Variants in TENM2 observed in about 807,000 individuals in gnomAD.
The protein encoded by TENM2 is teneurin-2.
TENM2 carries 52 observed loss-of-function variants against 245.2 expected under a neutral mutation model. The ratio of observed to expected loss-of-function variants is 0.21; its 90% CI spans 0.17 to 0.27. The LOEUF (loss-of-function observed/expected upper bound fraction) is 0.27, where lower values mean the gene tolerates loss of function less well. Among genes scored for constraint, TENM2 ranks in the 10% least tolerant of loss-of-function variants. The pLI is 1.00. For synonymous variants in TENM2, 1,363 were observed against 1,438.9 expected (o/e 0.95, Z 1.19); for missense variants, 3,046 against 3,666.8 (o/e 0.83, Z 4.37).
chr5:167,466,281 G>T (rs1035247091), intron 2 of TENM2, among the ~76,000 whole-genome samples: 1 of 152,146 alleles, frequency 6.6e-6, no homozygotes, highest in Non-Finnish European at 1.5e-5. Flanking sequence ...CCAAGCATGG[G>T]CTCACGAACT....
chr5:167,867,721 A>G (rs564512924), intron 2 of TENM2, among the ~76,000 whole-genome samples: 1 of 152,316 alleles, frequency 6.6e-6, no homozygotes, highest in South Asian at 2.1e-4. Context: ...GGTCATAATG[A>G]AAATTCCTCA....
chr5:168,003,227 C>T (rs1014563155), intron 5 of TENM2, among the ~76,000 whole-genome samples: 1 of 151,822 alleles, frequency 6.6e-6, no homozygotes, highest in Non-Finnish European at 1.5e-5. Flanking sequence ...ACATTTGTGT[C>T]TATTTTTATC....
chr5:168,253,694 G>A (rs1767376203), intron 27 of TENM2, among the ~76,000 whole-genome samples: 1 of 152,090 alleles, frequency 6.6e-6, no homozygotes, highest in Non-Finnish European at 1.5e-5. Flanking sequence ...CAAAGTGCTG[G>A]GATTACAGGC....
the TENM2 span, among the ~76,000 whole-genome samples, chr5:167,022,614 G>A: frequency 6.6e-6 from 1 of 152,060 alleles, no homozygotes; most frequent in Non-Finnish European, 1.5e-5. Flanking sequence ...CTAAAATTTG[G>A]AAGATTTTAC....
the TENM2 span, among the ~76,000 whole-genome samples, chr5:167,244,719 C>A: frequency 6.6e-6 from 1 of 152,076 alleles, no homozygotes; most frequent in African/African-American, 2.4e-5. Context: ...AGGTGCTGGG[C>A]TTTTAGTGAG....
intron 20 of TENM2, among the ~76,000 whole-genome samples, chr5:168,213,027 T>C (rs1005755432): frequency 1.3e-5 from 2 of 152,260 alleles, no homozygotes; most frequent in African/African-American, 2.4e-5. Context: ...AGATGTGCAA[T>C]GCCTTGATCC....
intron 5 of TENM2, among the ~76,000 whole-genome samples, chr5:168,012,479 A>G (rs538203014): frequency 6.6e-6 from 1 of 152,016 alleles, no homozygotes; most frequent in East Asian, 1.9e-4. Flanking sequence ...CCCTGTCTCT[A>G]CAAGAAATAT....
At chr5:168,199,108 G>A in exon 16 of TENM2, 1 of 1,609,804 alleles carries the variant, frequency 6.2e-7, no homozygotes, top group Non-Finnish European at 8.5e-7. Flanking sequence ...TCGTGCCTGA[G>A]ACCCAGGTAG....
intron 1 of TENM2, among the ~76,000 whole-genome samples, chr5:167,305,792 G>T (rs1755641603): frequency 6.6e-6 from 1 of 152,138 alleles, no homozygotes; most frequent in Non-Finnish European, 1.5e-5. Context: ...TAACAATAAT[G>T]CCCTGCATTG....
chr5:168,258,685 G>A (rs1356752253), intron 27 of TENM2, among the ~76,000 whole-genome samples: 1 of 152,088 alleles, frequency 6.6e-6, no homozygotes, highest in African/African-American at 2.4e-5. Flanking sequence ...GTCCAAAACA[G>A]GTAAACCCAT....
At chr5:167,466,484 G>A (rs1766660453) in intron 2 of TENM2, among the ~76,000 whole-genome samples, 1 of 152,186 alleles carries the variant, frequency 6.6e-6, no homozygotes, top group African/African-American at 2.4e-5. Flanking sequence ...AAATTTATGT[G>A]TGCTACTGTT....
At chr5:167,370,341 CAAAAAAAA>C (rs35067759) in intron 1 of TENM2, among the ~76,000 whole-genome samples, 5 of 73,494 alleles carry the variant, frequency 6.8e-5, no homozygotes, top group African/African-American at 8.5e-5. Context: ...GACTCCGTCT[CAAAAAAAA>C]AAAAAAAAAA....
In TENM2 at chr5:168,241,346, C is replaced by T. The variant is rs188414512; in HGVS notation, c.5521-3074C>T. On this transcript the variant is annotated intron_variant, in intron 25 of 28. Transcript: ENST00000518659. The stretch of plus-strand genomic sequence containing the variant: ...TCTTGGCTCACTGCAACCTCCACCT[C>T]CTGGGTTCAAACAATTCTCCTGCTC... Among the ~76,000 whole-genome samples the T allele has an allele frequency of 2.7e-4, 41 of 151,954 alleles. No homozygotes were observed. In the East Asian group the frequency reaches 7.7e-3, roughly 29 times the overall value.
chr5:167,713,315 T>G (rs78264383), intron 2 of TENM2, among the ~76,000 whole-genome samples: 3,724 of 151,472 alleles, frequency 0.025, 164 homozygotes, highest in African/African-American at 0.081. Flanking sequence ...CCTTTTTTAA[T>G]TCCCATCCTG....
At position 167,388,443 on chromosome 5, in the gene TENM2, T is replaced by C. The variant is rs1761570671; in HGVS notation, c.502+12970T>C. On this transcript the variant is annotated intron_variant, in intron 2 of 28. Coordinates refer to ENST00000518659, the Ensembl canonical transcript of TENM2. The stretch of plus-strand genomic sequence containing the variant: ...TAATGGTCTATCAATTTTATTCATC[T>C]CTGCAAAGAACCAGCTTTTGTTTCA... 2.0e-5 allele frequency among the ~76,000 whole-genome samples: 3 copies of C among 152,158 alleles called. No homozygotes were observed. The South Asian group carries it at 6.2e-4, about 32-fold the overall frequency.
chr5:168,134,658 G>T (rs1335617945), intron 12 of TENM2, among the ~76,000 whole-genome samples: 1 of 152,170 alleles, frequency 6.6e-6, no homozygotes, highest in Non-Finnish European at 1.5e-5. Flanking sequence ...TTGCACTCCA[G>T]CCTGGGCAAC....
chr5:167,172,908 T>C, the TENM2 span, among the ~76,000 whole-genome samples: 1 of 152,218 alleles, frequency 6.6e-6, no homozygotes. Flanking sequence ...ATTTCCTACA[T>C]GATTTTATCT....
At chr5:168,203,946 C>A in intron 18 of TENM2, 114 bp downstream of exon 20, 1 of 809,848 alleles carries the variant, frequency 1.2e-6, no homozygotes, top group Non-Finnish European at 1.8e-6. Flanking sequence ...ATTTTTTCAT[C>A]AAGTGCCCAA....
chr5:168,241,429 T>G (rs1766093465), intron 25 of TENM2, among the ~76,000 whole-genome samples: 1 of 151,342 alleles, frequency 6.6e-6, no homozygotes, highest in Admixed American at 6.6e-5. Context: ...TAATTTTTTT[T>G]TTTTTTTTTT....
Sources: gnomAD v4.1 joint callset for allele counts (sites outside exome capture counted in the v4.1 genomes callset) on GRCh38, gnomAD v4.1.1 for gene constraint, MANE v1.5 for transcripts, NCBI Gene and HGNC (gene_info 2026-07-23, HGNC 2026-07-21) for gene names.